Variants in TFAP2D observed in about 807,000 individuals in gnomAD.
The protein encoded by TFAP2D is transcription factor AP-2-delta.
A neutral mutation model predicts 43.6 loss-of-function variants in TFAP2D; 9 were observed. The ratio of observed to expected loss-of-function variants is 0.21; its 90% CI spans 0.12 to 0.36. The LOEUF (loss-of-function observed/expected upper bound fraction) is 0.36. Among genes scored for constraint, TFAP2D ranks in the 10% least tolerant of loss-of-function variants. The pLI, the probability that TFAP2D is intolerant of heterozygous loss-of-function variation, is 1.00. For synonymous variants in TFAP2D, 256 were observed against 224.9 expected, an observed-to-expected ratio of 1.14 and a Z score of -1.24; for missense variants, 513 against 561.4, an observed-to-expected ratio of 0.91 and a Z score of 0.87.
At chr6:50,714,473 A>G (rs373909598) in intron 1 of TFAP2D, among the ~76,000 whole-genome samples, 2 of 151,916 alleles carry the variant, frequency 1.3e-5, no homozygotes, top group East Asian at 1.9e-4. Flanking sequence ...GGGAAAACGC[A>G]CCCCTTTTGG....
rs542978848 is a variant in TFAP2D at position 50,744,507 on chromosome 6, A to C, written c.884-600A>C. 7.9e-5 allele frequency among the ~76,000 whole-genome samples: 12 copies of C among 152,288 alleles called. No homozygotes were observed. In the South Asian group the frequency reaches 2.1e-3, roughly 26 times the overall value. ...AGCTTTAAAAATAACATTGTTTTCC[A>C]GATTGATTTTCATCACTTAATTTTA... is the stretch of plus-strand genomic sequence containing the variant. On this transcript the variant is annotated intron_variant, in intron 5 of 7. Transcript: ENST00000008391.
chr6:50,745,971 G>T (rs1372531733), intron 6 of TFAP2D, among the ~76,000 whole-genome samples: 1 of 152,006 alleles, frequency 6.6e-6, no homozygotes, highest in Non-Finnish European at 1.5e-5. Flanking sequence ...TAATTAGTGG[G>T]AATACTACCA....
At chr6:50,766,650 C>CTTTGTTTTTTTTTTTTTT (rs1769445844) in intron 7 of TFAP2D, among the ~76,000 whole-genome samples, 1 of 77,048 alleles carries the variant, frequency 1.3e-5, no homozygotes, top group Non-Finnish European at 2.7e-5. Context: ...CATGAGATTG[C>CTTTGTTTTTTTTTTTTTT]TTTCTTTTTT....
chr6:50,738,921 A>C (rs1768999558), intron 5 of TFAP2D, among the ~76,000 whole-genome samples: 1 of 152,088 alleles, frequency 6.6e-6, no homozygotes. Flanking sequence ...GAATCCTTAC[A>C]TTTTTGGAAG....
intron 6 of TFAP2D, 106 bp from the exon 7 acceptor site, chr6:50,751,105 C>A: frequency 2.6e-6 from 2 of 766,388 alleles, no homozygotes; most frequent in South Asian, 1.8e-5. Flanking sequence ...GAAATGTTAT[C>A]TAGACTTCTT....
intron 7 of TFAP2D, among the ~76,000 whole-genome samples, chr6:50,758,432 G>A (rs1581776670): frequency 1.3e-5 from 2 of 151,964 alleles, no homozygotes; most frequent in Non-Finnish European, 2.9e-5. Context: ...ACTTCTTGTG[G>A]GCTTTACAGA....
intron 5 of TFAP2D, among the ~76,000 whole-genome samples, chr6:50,732,282 C>G (rs1768905527): frequency 6.6e-6 from 1 of 151,940 alleles, no homozygotes; most frequent in Non-Finnish European, 1.5e-5. Flanking sequence ...TCTGGATTTT[C>G]TATATTAACT....
At chr6:50,755,404 TA>T (rs1470321720) in intron 7 of TFAP2D, among the ~76,000 whole-genome samples, 2 of 149,374 alleles carry the variant, frequency 1.3e-5, no homozygotes, top group Non-Finnish European at 3.0e-5. Flanking sequence ...AACCTGGCTT[TA>T]TATCAGAATC....
At chr6:50,759,848 G>A (rs1183275493) in intron 7 of TFAP2D, among the ~76,000 whole-genome samples, 1 of 151,998 alleles carries the variant, frequency 6.6e-6, no homozygotes, top group Non-Finnish European at 1.5e-5. Flanking sequence ...CTCAAAGTAA[G>A]TGGCTGAGGA....
intron 5 of TFAP2D, among the ~76,000 whole-genome samples, chr6:50,743,394 TGTTTG>T (rs1349402964): frequency 1.1e-4 from 17 of 149,074 alleles, no homozygotes; most frequent in African/African-American, 4.2e-4. Flanking sequence ...TGTTTTGTTT[TGTTTG>T]GAGACAGAGT....
chr6:50,756,600 G>A (rs1383558642), intron 7 of TFAP2D, among the ~76,000 whole-genome samples: 1 of 152,008 alleles, frequency 6.6e-6, no homozygotes, highest in Non-Finnish European at 1.5e-5. Flanking sequence ...ATGCATAGCA[G>A]TGACCCTTCT....
chr6:50,715,614 G>T lies in TFAP2D; in HGVS notation c.537+1G>T. ...CGCCGCGGGAGCAGACGACTTGCAG[G>T]TAAATAAGCATGCAGCGAATTTGTC... On this transcript the variant is annotated splice_donor_variant, in intron 2 of 7. Transcript: ENST00000008391. LOFTEE classifies it high-confidence loss of function. The T allele has an allele frequency of 3.1e-6, 5 of 1,589,096 alleles. No homozygotes were observed. Among genetic ancestry groups the T allele is most frequent in the Non-Finnish European group, 4.3e-6 (5 of 1,167,042 alleles).
At chr6:50,743,639 C>G (rs1261833801) in intron 5 of TFAP2D, among the ~76,000 whole-genome samples, 3 of 152,064 alleles carry the variant, frequency 2.0e-5, no homozygotes, top group Admixed American at 6.6e-5. Context: ...CCCGCTTCTG[C>G]CTCCCAAAGT....
intron 5 of TFAP2D, among the ~76,000 whole-genome samples, chr6:50,733,747 T>C (rs912208895): frequency 6.6e-6 from 1 of 152,044 alleles, no homozygotes; most frequent in Non-Finnish European, 1.5e-5. Context: ...TCCCTTCTTA[T>C]CTAGGAAGTT....
chr6:50,726,227 T>C (rs1005566171), intron 3 of TFAP2D, among the ~76,000 whole-genome samples: 5 of 152,178 alleles, frequency 3.3e-5, no homozygotes, highest in African/African-American at 9.6e-5. Context: ...AGTCTTCCAG[T>C]TGGGGAGAGC....
chr6:50,745,272 G>A (rs1237629264), intron 6 of TFAP2D, 24 bp downstream of exon 6: 2 of 1,610,132 alleles, frequency 1.2e-6, no homozygotes, highest in Non-Finnish European at 1.7e-6. Context: ...GGAAACCTCT[G>A]TGTGCTTTCA....
At chr6:50,731,386 A>C (rs1264605179) in intron 5 of TFAP2D, among the ~76,000 whole-genome samples, 1 of 151,968 alleles carries the variant, frequency 6.6e-6, no homozygotes, top group Non-Finnish European at 1.5e-5. Context: ...ACAGATTTAG[A>C]GTCAAAGAGA....
At chr6:50,734,336 G>T (rs1404240110) in intron 5 of TFAP2D, among the ~76,000 whole-genome samples, 1 of 151,918 alleles carries the variant, frequency 6.6e-6, no homozygotes, top group African/African-American at 2.4e-5. Context: ...ACCTAGCTGA[G>T]CTTCATTTTC....
intron 6 of TFAP2D, among the ~76,000 whole-genome samples, chr6:50,750,719 A>G: frequency 6.6e-6 from 1 of 152,058 alleles, no homozygotes; most frequent in East Asian, 1.9e-4. Context: ...TATCTGCTTC[A>G]AATATTAGCA....
Sources: allele counts gnomAD v4.1 joint callset (sites outside exome capture counted in the v4.1 genomes callset), GRCh38; gene constraint gnomAD v4.1.1; transcripts MANE v1.5; gene names NCBI Gene and HGNC (gene_info 2026-07-23, HGNC 2026-07-21).